Variants in SYCP3 observed in about 807,000 individuals in gnomAD.
SYCP3 encodes synaptonemal complex protein 3.
SYCP3 carries 29 observed loss-of-function variants against 38.5 expected under a neutral mutation model. That is an observed-to-expected ratio of 0.75 (90% CI 0.56 to 1.03). The LOEUF is 1.03. SYCP3 is among the 50% of genes least tolerant of loss of function. The pLI is 0.00. For synonymous variants in SYCP3, 79 were observed against 80.3 expected (o/e 0.98, Z 0.08); for missense variants, 242 against 270.7 (o/e 0.89, Z 0.74).
chr12:101,728,805 G>T lies in SYCP3; in HGVS notation c.*122C>A. ...TTAACAGAAAGGGAGGTCTTACAAT[G>T]AAACAGGTTTATGATTAAAGATGTT... is the stretch of plus-strand genomic sequence containing the variant. On this transcript the variant is annotated 3_prime_UTR_variant, in exon 9 of 9. Coordinates refer to ENST00000392924, the MANE Select transcript of SYCP3 (RefSeq NM_001177949.2). 7.0e-7 allele frequency: 1 copy of T among 1,438,646 alleles called. No individual in the cohort carries two copies. Among genetic ancestry groups the T allele is most frequent in the Non-Finnish European group, 9.6e-7 (1 of 1,042,052 alleles). The allele number at this position is 1,438,646 out of a possible 1,614,324, so 89.1% of individuals were successfully genotyped here.
At chr12:101,735,871 A>ATATATATATATATATATATATTTTTTTTT in intron 4 of SYCP3, among the ~76,000 whole-genome samples, 62 of 74,630 alleles carry the variant, frequency 8.3e-4, no homozygotes, top group Admixed American at 9.4e-4. Flanking sequence ...ATATATATAT[A>ATATATATATATATATATATATTTTTTTTT]TTTTTTTTTT....
At chr12:101,731,327 A>AG (rs540411557) in intron 7 of SYCP3, among the ~76,000 whole-genome samples, 125 of 152,270 alleles carry the variant, frequency 8.2e-4, no homozygotes, top group Middle Eastern at 6.8e-3. Flanking sequence ...TATGCATGAT[A>AG]AGTATATTTC....
intron 1 of SYCP3, among the ~76,000 whole-genome samples, 196 bp from the exon 2 acceptor site, chr12:101,738,148 G>C (rs1209714415): frequency 6.6e-6 from 1 of 152,120 alleles, no homozygotes; most frequent in Non-Finnish European, 1.5e-5. Context: ...AATAGGCCAA[G>C]CACGGTAGCT....
intron 6 of SYCP3, chr12:101,732,300 G>T (rs941276164): frequency 6.6e-6 from 1 of 152,120 alleles, no homozygotes; most frequent in South Asian, 2.1e-4. Context: ...ACTCTTTTTA[G>T]TACTACAGCT....
At position 101,729,188 on chromosome 12, in the gene SYCP3, T is replaced by C; in HGVS notation, c.578A>G (p.His193Arg). The C allele has an allele frequency of 6.2e-7, 1 of 1,613,156 alleles. No homozygotes were observed. Among genetic ancestry groups the C allele is most frequent in the South Asian group, 1.1e-5 (1 of 90,894 alleles). Residue 193 changes from histidine to arginine, a missense_variant, in exon 8 of 9, where the codon CAT (histidine) becomes CGT (arginine). Physicochemically the swap from His to Arg is conservative, Grantham distance 29 (BLOSUM62 0). Transcript: ENST00000392924. ...IKSMEELEKN[H>R]DNLLTGAQNE... ...TTGTGCACCAGTAAGTAGATTATCATGATTCTTCTCCAACTCTTCCATACT... is the reference window on the plus strand; with the variant it reads ...TTGTGCACCAGTAAGTAGATTATCACGATTCTTCTCCAACTCTTCCATACT...
chr12:101,737,542 AT>A, intron 2 of SYCP3: 1 of 643,586 alleles, frequency 1.6e-6, no homozygotes, highest in Non-Finnish European at 2.7e-6. Flanking sequence ...GCCACATACT[AT>A]ATATCAGATA....
chr12:101,734,193 A>C (rs1013248174), intron 5 of SYCP3, among the ~76,000 whole-genome samples: 1 of 152,222 alleles, frequency 6.6e-6, no homozygotes, highest in African/African-American at 2.4e-5. Flanking sequence ...GTTGAACATA[A>C]TTCACCATCA....
chr12:101,738,009 T>TG, intron 1 of SYCP3, 57 bp from the exon 2 acceptor site: 1 of 1,578,220 alleles, frequency 6.3e-7, no homozygotes, highest in Non-Finnish European at 8.7e-7. Flanking sequence ...TTTAATACAC[T>TG]GGTAAAAGTT....
At chr12:101,737,345 T>C in intron 2 of SYCP3, 47 bp from the exon 3 acceptor site, 19 of 1,072,468 alleles carry the variant, frequency 1.8e-5, no homozygotes, top group Non-Finnish European at 2.4e-5. Flanking sequence ...TGAAACTGAA[T>C]AGGTTATTTT....
intron 5 of SYCP3, among the ~76,000 whole-genome samples, chr12:101,733,963 G>A (rs1423887570): frequency 3.3e-5 from 5 of 152,112 alleles, no homozygotes; most frequent in African/African-American, 1.2e-4. Context: ...TGATCTCTAA[G>A]CAGTTTATTT....
intron 7 of SYCP3, chr12:101,729,419 G>T: frequency 1.9e-6 from 1 of 539,618 alleles, no homozygotes; most frequent in Non-Finnish European, 3.2e-6. Context: ...GTTATAGGAA[G>T]TACAATGTAG....
At chr12:101,731,886 ATCAAG>A in intron 6 of SYCP3, 2 of 391,894 alleles carry the variant, frequency 5.1e-6, no homozygotes, top group South Asian at 6.8e-5. Context: ...TTTAACAATA[ATCAAG>A]TCATGTCTTA....
chr12:101,732,804 T>C (rs1372434667), intron 6 of SYCP3: 2 of 152,114 alleles, frequency 1.3e-5, no homozygotes, highest in East Asian at 3.8e-4. Flanking sequence ...GTAACTTGGA[T>C]TATAGGCACA....
chr12:101,732,104 C>T (rs1952215099), intron 6 of SYCP3: 1 of 158,076 alleles, frequency 6.3e-6, no homozygotes, highest in South Asian at 1.9e-4. Flanking sequence ...GATAGATACT[C>T]AGCATTCCCC....
At chr12:101,735,450 C>T (rs1040765815) in intron 4 of SYCP3, among the ~76,000 whole-genome samples, 2 of 152,082 alleles carry the variant, frequency 1.3e-5, no homozygotes, top group Non-Finnish European at 2.9e-5. Flanking sequence ...ATCACAAGGT[C>T]AAAAGATCGA....
In SYCP3 at chr12:101,738,070, G is replaced by A. The variant is rs148969182; in HGVS notation, c.-17-118C>T. The A allele has an allele frequency of 1.0e-3, 1,278 of 1,220,770 alleles. 10 individuals carry two copies. The African/African-American group carries it at 0.015, about 14-fold the overall frequency. The allele number at this position is 1,220,770 out of a possible 1,614,324, so 75.6% of individuals were successfully genotyped here. On this transcript the variant is annotated intron_variant, in intron 1 of 8. Coordinates refer to ENST00000392924, the MANE Select transcript of SYCP3 (RefSeq NM_001177949.2). Reference sequence around the variant, plus strand: ...AGGATTGTTGAATACAATTTTAACAGTTTCCTCATTTATTTGGGGGGCCAA... The same window carrying A: ...AGGATTGTTGAATACAATTTTAACAATTTCCTCATTTATTTGGGGGGCCAA...
rs1187531878 is a variant in SYCP3, at chr12:101,737,208, CAAAA to C, written c.200+20_200+23del. ...TTCTTGAAGTGCTTTATCTAAGAAA[CAAAA>C]ATTATTTTGAACACGTTACCCCATA... On this transcript the variant is annotated intron_variant, in intron 3 of 8. Coordinates refer to ENST00000392924, the MANE Select transcript of SYCP3 (RefSeq NM_001177949.2). 1 of 1,606,718 alleles carries C rather than the reference CAAAA, an allele frequency of 6.2e-7. No individual in the cohort carries two copies. The highest frequency in any genetic ancestry group is 8.5e-7 in the Non-Finnish European group (1 of 1,175,806).
chr12:101,732,240 TTCTC>T (rs1952219377), intron 6 of SYCP3: 1 of 152,714 alleles, frequency 6.5e-6, no homozygotes, highest in Non-Finnish European at 1.5e-5. Flanking sequence ...TACATACTGT[TTCTC>T]TGTCTATCCT....
At position 101,734,406 on chromosome 12, in the gene SYCP3, A is replaced by G. The variant is rs540291806; in HGVS notation, c.353+521T>C. ...GAGACCCCCATCTCATAAAACAACA[A>G]CAAAAAACGAAATTACTTTTATAAC... On this transcript the variant is annotated intron_variant, in intron 5 of 8. Transcript: ENST00000392924. Among the ~76,000 whole-genome samples the G allele has an allele frequency of 2.3e-4, 35 of 152,292 alleles. No homozygotes were observed. The South Asian group carries it at 7.3e-3, about 32-fold the overall frequency.
Sources: gnomAD v4.1 joint callset for allele counts (sites outside exome capture counted in the v4.1 genomes callset) on GRCh38, gnomAD v4.1.1 for gene constraint, MANE v1.5 for transcripts, NCBI Gene and HGNC (gene_info 2026-07-23, HGNC 2026-07-21) for gene names.